Variants in ADCY1 observed in about 807,000 individuals in gnomAD.
The protein encoded by ADCY1 is adenylate cyclase type 1.
Under a neutral mutation model 105.4 loss-of-function variants are expected in ADCY1, and 28 were observed. That is an observed-to-expected ratio of 0.27 (90% CI 0.20 to 0.36). The LOEUF (loss-of-function observed/expected upper bound fraction) is 0.36, where lower values mean the gene tolerates loss of function less well. Ranked by LOEUF, ADCY1 falls within the 10% of genes least tolerant of loss-of-function variation. ADCY1 has a pLI of 1.00. For synonymous variants in ADCY1, 655 were observed against 623.8 expected, an observed-to-expected ratio of 1.05 and a Z score of -0.75; for missense variants, 977 against 1,434.2, an observed-to-expected ratio of 0.68 and a Z score of 5.15.
intron 1 of ADCY1, 71 bp from the exon 2 acceptor site, chr7:45,592,688 C>T (rs760310409): frequency 2.8e-5 from 45 of 1,595,154 alleles, no homozygotes; most frequent in Admixed American, 3.4e-5. Flanking sequence ...CTATGCTCTC[C>T]GGGCGGCCTA....
Position 45,686,003 on chromosome 7 carries a change from T to C in ADCY1, c.2115T>C (p.Ser705=). 1.2e-6 allele frequency: 2 copies of C among 1,613,998 alleles called. No individual in the cohort carries two copies. The highest frequency in any genetic ancestry group is 1.7e-6 in the Non-Finnish European group (2 of 1,179,980). The change falls in exon 13 of 20, where the codon AGT becomes AGC. Residue 705 remains serine, a synonymous_variant. Transcript: ENST00000297323. The surrounding 1 kb of genome is among the most constrained non-coding windows in gnomAD (Gnocchi z 4.3). The stretch of plus-strand genomic sequence containing the variant: ...GGGCCTGGAGCTCCAAGCCCAACAG[T>C]TCCCTGGTGGTCCTTTCGTCTGGGG... ...LPWAWSSKPN[S]SLVVLSSGGQ...
At chr7:45,605,740 G>A (rs773573542) in intron 2 of ADCY1, among the ~76,000 whole-genome samples, 9 of 152,082 alleles carry the variant, frequency 5.9e-5, no homozygotes, top group Non-Finnish European at 1.0e-4. Flanking sequence ...AAGTGCATTC[G>A]TAGTTCTTTA....
chr7:45,576,514 G>A lies in ADCY1; in HGVS notation c.639+1332G>A, dbSNP rs78436178. On this transcript the variant is annotated intron_variant, in intron 1 of 19. Transcript: ENST00000297323. ...CAAAGAGGGCGTCGGAGGAAGAGAGGAAGAGAGGTAGAGGTGAAGGGCAGA... is the reference window on the plus strand; with the variant it reads ...CAAAGAGGGCGTCGGAGGAAGAGAGAAAGAGAGGTAGAGGTGAAGGGCAGA... Among the ~76,000 whole-genome samples, 4,878 of 152,200 alleles carry A rather than the reference G, an allele frequency of 0.032. 460 individuals are homozygous for A. In the East Asian group the frequency reaches 0.33, roughly 10 times the overall value.
At chr7:45,599,644 T>C (rs1165241214) in intron 2 of ADCY1, among the ~76,000 whole-genome samples, 1 of 151,242 alleles carries the variant, frequency 6.6e-6, no homozygotes, top group Non-Finnish European at 1.5e-5. Context: ...TTTTTTTTTT[T>C]GAGGCAGAGT....
intron 1 of ADCY1, among the ~76,000 whole-genome samples, chr7:45,580,653 G>T (rs1349098725): frequency 6.6e-6 from 1 of 152,234 alleles, no homozygotes; most frequent in Non-Finnish European, 1.5e-5. Context: ...GCTCAGCCAG[G>T]ATCACTGGAC....
Position 45,591,087 on chromosome 7 carries a change from T to G in ADCY1, c.640-1672T>G, listed in dbSNP as rs1439885328. Among the ~76,000 whole-genome samples the G allele has an allele frequency of 6.6e-6, 1 of 152,216 alleles. No individual in the cohort carries two copies. Among genetic ancestry groups the G allele is most frequent in the African/African-American group, 2.4e-5 (1 of 41,448 alleles). On this transcript the variant is annotated intron_variant, in intron 1 of 19. Coordinates refer to ENST00000297323, the MANE Select transcript of ADCY1 (RefSeq NM_021116.4). This position sits in a 1 kb window ranked among gnomAD's most constrained non-coding sequence, Gnocchi z 4.1. ...TCTGATGTTGTTTCCAGATTGCATG[T>G]GACCGTTGGTCCTAGGTTTGTTTTC... is the stretch of plus-strand genomic sequence containing the variant.
At chr7:45,698,167 A>G (rs932146113) in intron 14 of ADCY1, among the ~76,000 whole-genome samples, 3 of 144,392 alleles carry the variant, frequency 2.1e-5, no homozygotes, top group Admixed American at 1.4e-4. Flanking sequence ...ACTCTCTTAC[A>G]CACACACACA....
chr7:45,662,273 C>T (rs970030902), intron 8 of ADCY1, 59 bp downstream of exon 8: 225 of 1,546,182 alleles, frequency 1.5e-4, no homozygotes, highest in Non-Finnish European at 2.4e-5. Flanking sequence ...CTCTGTCCTG[C>T]CCTCCCAATA....
At chr7:45,621,874 G>T (rs552524213) in intron 3 of ADCY1, among the ~76,000 whole-genome samples, 1 of 152,248 alleles carries the variant, frequency 6.6e-6, no homozygotes, top group Admixed American at 6.5e-5. Context: ...CATTTTTACA[G>T]ACAAAAATAT....
chr7:45,592,023 A>T (rs1034171173), intron 1 of ADCY1, among the ~76,000 whole-genome samples: 6 of 151,372 alleles, frequency 4.0e-5, no homozygotes, highest in African/African-American at 1.5e-4. Context: ...CTGTGTCCCC[A>T]AATCAACATC....
intron 8 of ADCY1, among the ~76,000 whole-genome samples, chr7:45,677,377 A>C (rs1784475494): frequency 6.6e-6 from 1 of 152,092 alleles, no homozygotes; most frequent in Admixed American, 6.5e-5. Context: ...CGTATCCCTC[A>C]TGTGACATAT....
chr7:45,663,924 A>G (rs1233922217), intron 8 of ADCY1, among the ~76,000 whole-genome samples: 2 of 152,208 alleles, frequency 1.3e-5, no homozygotes, highest in African/African-American at 4.8e-5. Context: ...CGGCAGTGGA[A>G]TGGAGTCGTG....
At chr7:45,635,722 A>G (rs1263398747) in intron 4 of ADCY1, among the ~76,000 whole-genome samples, 1 of 149,428 alleles carries the variant, frequency 6.7e-6, no homozygotes, top group Non-Finnish European at 1.5e-5. Flanking sequence ...GTCAGAGAAC[A>G]TACTTTTTAT....
chr7:45,644,578 G>A (rs550027099), intron 4 of ADCY1, among the ~76,000 whole-genome samples: 1 of 152,300 alleles, frequency 6.6e-6, no homozygotes, highest in African/African-American at 2.4e-5. Flanking sequence ...CCTGCCTGTA[G>A]TCCTGTCCCT....
intron 4 of ADCY1, among the ~76,000 whole-genome samples, chr7:45,639,704 T>G (rs1431239036): frequency 2.0e-5 from 3 of 152,352 alleles, no homozygotes; most frequent in Admixed American, 6.5e-5. Context: ...AGTGACTGTT[T>G]CCTGGCGCAT....
chr7:45,668,718 C>G (rs1784309621), intron 8 of ADCY1, among the ~76,000 whole-genome samples: 1 of 152,174 alleles, frequency 6.6e-6, no homozygotes, highest in Non-Finnish European at 1.5e-5. Context: ...GCAGCTCCTC[C>G]TTGTACCTCT....
intron 18 of ADCY1, among the ~76,000 whole-genome samples, chr7:45,709,095 A>G (rs189870379): frequency 4.5e-4 from 68 of 152,344 alleles, no homozygotes; most frequent in Middle Eastern, 3.4e-3. Flanking sequence ...AACATCCAGT[A>G]GCCTTAAAAA....
chr7:45,666,734 A>G (rs564706575), intron 8 of ADCY1, among the ~76,000 whole-genome samples: 5 of 152,348 alleles, frequency 3.3e-5, no homozygotes, highest in African/African-American at 9.6e-5. Context: ...ACCAGTTTAC[A>G]GTCCCACCAA....
chr7:45,604,809 CT>C (rs1793331317), intron 2 of ADCY1, among the ~76,000 whole-genome samples: 1 of 152,028 alleles, frequency 6.6e-6, no homozygotes, highest in Non-Finnish European at 1.5e-5. Flanking sequence ...AGTATTATTC[CT>C]TTTCCTTTAT....
Sources: gnomAD v4.1 joint callset for allele counts (sites outside exome capture counted in the v4.1 genomes callset) on GRCh38, gnomAD v4.1.1 for gene constraint, Gnocchi (gnomAD v3.1) non-coding constraint, MANE v1.5 for transcripts, NCBI Gene and HGNC (gene_info 2026-07-23, HGNC 2026-07-21) for gene names.